The following PROM1 variants were observed in gnomAD, a reference collection of about 807,000 sequenced individuals.
The protein encoded by PROM1 is prominin 1.
In PROM1, 105 loss-of-function variants were observed where a neutral mutation model predicts 116.9. That is an observed-to-expected ratio of 0.90 (90% CI 0.77 to 1.06). The LOEUF is 1.06. Among genes scored for constraint, PROM1 ranks in the 50% least tolerant of loss-of-function variants. The pLI is 0.00. For missense variants in PROM1, 1,122 were observed against 1,045.2 expected (o/e 1.07, Z -1.01); for synonymous variants, 393 against 387.0 (o/e 1.02, Z -0.18).
chr4:16,009,043 G>T lies in PROM1; in HGVS notation c.1207C>A (p.Gln403Lys). 1 of 1,606,724 alleles carries T rather than the reference G, an allele frequency of 6.2e-7. No homozygotes were observed. The highest frequency in any genetic ancestry group is 8.5e-7 in the Non-Finnish European group (1 of 1,173,604). Residue 403 changes from glutamine (Q) to lysine (K), a missense_variant, in exon 12 of 28, where the codon CAG becomes AAG. By Grantham distance (53) the Gln-to-Lys change is moderately conservative (BLOSUM62 1). Transcript: ENST00000447510. Reference protein sequence around the residue: ...IDNVTQRLPIQDILSAFSVYV... With the variant: ...IDNVTQRLPIKDILSAFSVYV... ...ACAGAGAATGCTGAGAGTATATCCTGAATAGGAAGACGCTGAGTTACATTG... is the reference window on the plus strand; with the variant it reads ...ACAGAGAATGCTGAGAGTATATCCTTAATAGGAAGACGCTGAGTTACATTG...
rs139325525 is a variant in PROM1, at chr4:15,993,464, G to T, written c.1767+523C>A. Among the ~76,000 whole-genome samples the T allele has an allele frequency of 3.3e-5, 5 of 152,288 alleles. No homozygotes were observed. The East Asian group carries it at 9.6e-4, about 29-fold the overall frequency. ...CTTAAGACTCAAGACTGGGGTGTGG[G>T]CTCTGGCAAAAGAAAAGAGGAGGTT... On this transcript the variant is annotated intron_variant, in intron 16 of 27. Coordinates refer to ENST00000447510, the MANE Select transcript of PROM1 (RefSeq NM_006017.3).
At chr4:16,057,486 T>A (rs1402618284) in intron 2 of PROM1, among the ~76,000 whole-genome samples, 1 of 152,236 alleles carries the variant, frequency 6.6e-6, no homozygotes, top group East Asian at 1.9e-4. Flanking sequence ...ATGTGAACAG[T>A]CACATCACCA....
intron 2 of PROM1, among the ~76,000 whole-genome samples, chr4:16,059,349 T>C (rs1739772652): frequency 1.3e-5 from 2 of 152,176 alleles, no homozygotes; most frequent in Admixed American, 1.3e-4. Context: ...TTTCTGCATT[T>C]TTCTGATGTA....
Position 15,973,299 on chromosome 4 carries a change from T to G in PROM1, c.2583-2217A>C, listed in dbSNP as rs1577735966. ...CCATCTCTACTAATAACAGAAAAAT[T>G]AGCTGAGCACGGTGGTGTGTGCCTG... On this transcript the variant is annotated intron_variant, in intron 26 of 27. Coordinates refer to ENST00000447510, the MANE Select transcript of PROM1 (RefSeq NM_006017.3). Among the ~76,000 whole-genome samples the G allele has an allele frequency of 2.0e-5, 3 of 152,250 alleles. No individual in the cohort carries two copies. In the Middle Eastern group the frequency reaches 0.01, roughly 518 times the overall value.
intron 18 of PROM1, 31 bp downstream of exon 18, chr4:15,991,191 T>C (rs763296641): frequency 4.0e-5 from 63 of 1,564,434 alleles, no homozygotes; most frequent in Non-Finnish European, 5.2e-5. Flanking sequence ...CTACAACTAC[T>C]ACAGTATTTA....
chr4:15,997,221 TATATATATATATGAAATGCATTTCGTTC>T (rs1722534784), intron 15 of PROM1, among the ~76,000 whole-genome samples: 1 of 144,050 alleles, frequency 6.9e-6, no homozygotes, highest in Non-Finnish European at 1.5e-5. Context: ...CAATGAAACA[TATATATATATATGAAATGCATTTCGTTC>T]ATATATATAT....
At chr4:16,058,191 G>A (rs554286071) in intron 2 of PROM1, among the ~76,000 whole-genome samples, 60 of 152,276 alleles carry the variant, frequency 3.9e-4, no homozygotes, top group Non-Finnish European at 6.6e-4. Flanking sequence ...CTTATGAATC[G>A]CTCTAGGCAT....
intron 2 of PROM1, among the ~76,000 whole-genome samples, chr4:16,058,650 GAAA>G (rs74677849): frequency 1.5e-5 from 2 of 129,790 alleles, no homozygotes; most frequent in African/African-American, 2.8e-5. Context: ...CCATCTCCGG[GAAA>G]AAAAAAAAAA....
At chr4:16,059,070 C>A (rs1323002751) in intron 2 of PROM1, among the ~76,000 whole-genome samples, 1 of 152,140 alleles carries the variant, frequency 6.6e-6, no homozygotes, top group Non-Finnish European at 1.5e-5. Context: ...CCTTTCTAGA[C>A]ATCTAGGAAG....
chr4:16,025,111 A>G, intron 6 of PROM1, 81 bp downstream of exon 6: 11 of 1,474,876 alleles, frequency 7.5e-6, no homozygotes, highest in Non-Finnish European at 1.0e-5. Flanking sequence ...AGAAGGTTTG[A>G]TTGAGATTCC....
chr4:15,977,790 A>G (rs1002166020), intron 26 of PROM1, among the ~76,000 whole-genome samples: 5 of 152,084 alleles, frequency 3.3e-5, no homozygotes, highest in Non-Finnish European at 5.9e-5. Flanking sequence ...AGTAGAGACA[A>G]GGTTTCACCG....
At chr4:16,010,591 C>A (rs562489033) in intron 11 of PROM1, among the ~76,000 whole-genome samples, 1 of 152,310 alleles carries the variant, frequency 6.6e-6, no homozygotes, top group Non-Finnish European at 1.5e-5. Context: ...GCAGGCTCAA[C>A]CTCCTGGGCT....
intron 8 of PROM1, among the ~76,000 whole-genome samples, chr4:16,021,202 C>A (rs114118406): frequency 6.6e-6 from 1 of 150,932 alleles, no homozygotes; most frequent in Non-Finnish European, 1.5e-5. Flanking sequence ...ATTAAAAAAA[C>A]AAAAAAAAAG....
In PROM1 at chr4:16,033,423, A is replaced by G. The variant is rs1466024532; in HGVS notation, c.390T>C (p.Phe130=). The change falls in exon 5 of 28, where the codon TTT becomes TTC. Residue 130 remains phenylalanine, a synonymous_variant. Transcript: ENST00000447510. ...IILMPLVGYF[F]CMCRCCNKCG... ...ATTTGTTACAGCAACGACACATACA[A>G]AAGAAATACCCCACCAGAGGCATCA... 6.2e-7 allele frequency: 1 copy of G among 1,613,826 alleles called. No homozygotes were observed. The highest frequency in any genetic ancestry group is 8.5e-7 in the Non-Finnish European group (1 of 1,179,828).
intron 9 of PROM1, among the ~76,000 whole-genome samples, chr4:16,016,789 C>T (rs1444450073): frequency 6.6e-6 from 1 of 152,240 alleles, no homozygotes; most frequent in East Asian, 1.9e-4. Context: ...CATCAAACAA[C>T]CCTAAACTGA....
At chr4:16,000,398 C>T (rs1723462746) in intron 14 of PROM1, 98 bp downstream of exon 14, 3 of 1,063,446 alleles carry the variant, frequency 2.8e-6, no homozygotes, top group East Asian at 5.7e-5. Context: ...AACCAAACTG[C>T]TTATAAGTTT....
At chr4:16,033,546 C>G (rs764390543) in intron 4 of PROM1, 37 bp from the exon 5 acceptor site, 1 of 1,224,908 alleles carries the variant, frequency 8.2e-7, no homozygotes, top group Non-Finnish European at 1.1e-6. Flanking sequence ...CATATTGTAG[C>G]ACAAAATAAT....
intron 13 of PROM1, among the ~76,000 whole-genome samples, chr4:16,000,848 C>G (rs1334247491): frequency 1.3e-5 from 2 of 149,558 alleles, no homozygotes; most frequent in Non-Finnish European, 3.0e-5. Context: ...TGGGGAGGGG[C>G]AGCTCCAGAG....
intron 2 of PROM1, among the ~76,000 whole-genome samples, chr4:16,041,791 T>A (rs199660996): frequency 4.0e-5 from 4 of 98,860 alleles, no homozygotes; most frequent in African/African-American, 1.1e-4. Flanking sequence ...AATAAATATA[T>A]ATATATATAT....
Sources: gnomAD v4.1 joint callset for allele counts (sites outside exome capture counted in the v4.1 genomes callset) on GRCh38, gnomAD v4.1.1 for gene constraint, MANE v1.5 for transcripts, NCBI Gene and HGNC (gene_info 2026-07-23, HGNC 2026-07-21) for gene names.